The following DYM variants were observed in gnomAD, a reference collection of about 807,000 sequenced individuals.
DYM encodes the protein dymeclin.
In DYM, 78 loss-of-function variants were observed where a neutral mutation model predicts 93.1. That is an observed-to-expected ratio of 0.84 (90% CI 0.70 to 1.01). The LOEUF (loss-of-function observed/expected upper bound fraction) is 1.01. Ranked by LOEUF, DYM falls within the 50% of genes least tolerant of loss-of-function variation. The probability of loss-of-function intolerance (pLI) is 0.00; values close to 1 mark genes in which losing one functional copy is unlikely to be tolerated. For synonymous variants in DYM, 321 were observed against 319.7 expected (o/e 1.00, Z -0.04); for missense variants, 789 against 845.0 (o/e 0.93, Z 0.82).
intron 13 of DYM, among the ~76,000 whole-genome samples, chr18:49,240,108 C>G (rs948242343): frequency 1.4e-4 from 21 of 151,946 alleles, no homozygotes; most frequent in African/African-American, 5.1e-4. Flanking sequence ...ATGAATAATA[C>G]AAATATAGTT....
chr18:49,088,934 G>A (rs2078802856), intron 17 of DYM, among the ~76,000 whole-genome samples: 1 of 152,132 alleles, frequency 6.6e-6, no homozygotes, highest in African/African-American at 2.4e-5. Context: ...TGGGACTACA[G>A]GTGTGCACCA....
chr18:49,101,755 T>TA, intron 16 of DYM, among the ~76,000 whole-genome samples: 1 of 152,302 alleles, frequency 6.6e-6, no homozygotes, highest in South Asian at 2.1e-4. Context: ...AATCAATACA[T>TA]ATATTGACAA....
chr18:49,143,460 G>A (rs76289040), intron 15 of DYM, among the ~76,000 whole-genome samples: 3,391 of 152,226 alleles, frequency 0.022, 43 homozygotes, highest in Non-Finnish European at 0.033. Context: ...CTTGTTATAT[G>A]CCAAATATTT....
chr18:49,221,556 C>T (rs1486164875), intron 13 of DYM, among the ~76,000 whole-genome samples: 1 of 152,134 alleles, frequency 6.6e-6, no homozygotes, highest in African/African-American at 2.4e-5. Context: ...CACATATACA[C>T]CATGGAATAC....
intron 2 of DYM, among the ~76,000 whole-genome samples, chr18:49,415,726 G>A (rs968112311): frequency 1.3e-5 from 2 of 151,884 alleles, no homozygotes; most frequent in Non-Finnish European, 2.9e-5. Flanking sequence ...CCAGGAGTTC[G>A]AGACCAGCCT....
chr18:49,218,116 T>C (rs2093165368), intron 13 of DYM, among the ~76,000 whole-genome samples: 1 of 152,046 alleles, frequency 6.6e-6, no homozygotes, highest in Non-Finnish European at 1.5e-5. Context: ...TAGTGTCTGA[T>C]AAAACAGACT....
chr18:49,253,240 T>C (rs976099309), intron 13 of DYM, among the ~76,000 whole-genome samples: 1 of 152,256 alleles, frequency 6.6e-6, no homozygotes, highest in African/African-American at 2.4e-5. Context: ...ATCATGTATA[T>C]GAAAACTGCT....
intron 16 of DYM, among the ~76,000 whole-genome samples, chr18:49,103,822 G>A (rs898925829): frequency 2.0e-5 from 3 of 151,946 alleles, no homozygotes; most frequent in Non-Finnish European, 4.4e-5. Flanking sequence ...TAGCCTTGTA[G>A]TATAGTTTGA....
intron 8 of DYM, among the ~76,000 whole-genome samples, chr18:49,313,389 G>A (rs546513928): frequency 6.8e-6 from 1 of 147,610 alleles, no homozygotes; most frequent in Non-Finnish European, 1.5e-5. Context: ...CTTGAACCAG[G>A]GGGGCGGAGG....
intron 15 of DYM, among the ~76,000 whole-genome samples, chr18:49,144,173 A>G (rs1345167798): frequency 6.6e-6 from 1 of 152,114 alleles, no homozygotes; most frequent in Admixed American, 6.5e-5. Context: ...GCAATTTGTT[A>G]GTTGAAGAAA....
intron 8 of DYM, among the ~76,000 whole-genome samples, chr18:49,307,878 A>C (rs2061361811): frequency 6.6e-6 from 1 of 152,250 alleles, no homozygotes; most frequent in Non-Finnish European, 1.5e-5. Context: ...GCTGCTTGAC[A>C]GCAAGAATTT....
chr18:49,420,457 C>T (rs2073536064), intron 2 of DYM, among the ~76,000 whole-genome samples: 1 of 152,140 alleles, frequency 6.6e-6, no homozygotes, highest in Admixed American at 6.6e-5. Flanking sequence ...GCAAGAGCCA[C>T]CACACCTGGC....
intron 16 of DYM, among the ~76,000 whole-genome samples, chr18:49,097,757 A>C (rs955656641): frequency 3.3e-5 from 5 of 151,542 alleles, no homozygotes; most frequent in Non-Finnish European, 2.9e-5. Context: ...CCTGAATTCT[A>C]CTCTTTCTTG....
At chr18:49,130,834 A>C (rs2083314392) in intron 15 of DYM, among the ~76,000 whole-genome samples, 1 of 152,126 alleles carries the variant, frequency 6.6e-6, no homozygotes, top group Non-Finnish European at 1.5e-5. Context: ...GCGCTATGGG[A>C]GCACTTGGAA....
chr18:49,238,179 A>G (rs1424462534), intron 13 of DYM, among the ~76,000 whole-genome samples: 1 of 152,194 alleles, frequency 6.6e-6, no homozygotes, highest in Admixed American at 6.5e-5. Context: ...GTTTCCACAT[A>G]ACCTGGAAAA....
intron 8 of DYM, among the ~76,000 whole-genome samples, chr18:49,313,941 G>A (rs1282075988): frequency 1.3e-5 from 2 of 151,886 alleles, no homozygotes; most frequent in South Asian, 2.1e-4. Context: ...TACCTCCAAG[G>A]GCTATTGTAA....
intron 5 of DYM, among the ~76,000 whole-genome samples, chr18:49,365,149 T>C (rs1207241766): frequency 6.6e-6 from 1 of 150,966 alleles, no homozygotes; most frequent in African/African-American, 2.4e-5. Flanking sequence ...TCAAAGCACT[T>C]GGAGTCTCAA....
chr18:49,332,320 T>A (rs183350266), intron 7 of DYM, among the ~76,000 whole-genome samples: 3 of 152,314 alleles, frequency 2.0e-5, no homozygotes. Context: ...CAGGCTGGTC[T>A]CAAACTCCTA....
chr18:49,363,743 G>C (rs187330930), intron 5 of DYM, among the ~76,000 whole-genome samples: 1,652 of 152,248 alleles, frequency 0.011, 15 homozygotes, highest in Non-Finnish European at 0.017. Flanking sequence ...CCCCATTAAA[G>C]AGGCCAACCT....
Sources: gnomAD v4.1 joint callset for allele counts (sites outside exome capture counted in the v4.1 genomes callset) on GRCh38, gnomAD v4.1.1 for gene constraint, MANE v1.5 for transcripts, NCBI Gene and HGNC (gene_info 2026-07-23, HGNC 2026-07-21) for gene names.